Variants in EIPR1 observed in about 807,000 individuals in gnomAD.
The protein encoded by EIPR1 is EARP complex and GARP complex interacting protein 1.
EIPR1 carries 25 observed loss-of-function variants against 48.1 expected under a neutral mutation model. That is an observed-to-expected ratio of 0.52 (90% CI 0.38 to 0.73). The LOEUF is 0.73. EIPR1 is among the 30% of genes least tolerant of loss of function. The probability of loss-of-function intolerance (pLI) is 0.00; values close to 1 mark genes in which losing one functional copy is unlikely to be tolerated. For synonymous variants in EIPR1, 204 were observed against 201.9 expected, an observed-to-expected ratio of 1.01 and a Z score of -0.09; for missense variants, 415 against 506.2, an observed-to-expected ratio of 0.82 and a Z score of 1.73.
chr2:3,335,916 A>T (rs573128282), intron 3 of EIPR1, among the ~76,000 whole-genome samples: 15 of 152,198 alleles, frequency 9.9e-5, no homozygotes, highest in Non-Finnish European at 1.9e-4. Context: ...ACCCAGTCCC[A>T]GGTAGTTCTT....
intron 3 of EIPR1, among the ~76,000 whole-genome samples, chr2:3,336,129 G>C (rs1670035179): frequency 6.6e-6 from 1 of 152,214 alleles, no homozygotes; most frequent in South Asian, 2.1e-4. Flanking sequence ...GTGAAGGGGA[G>C]GGTGAAGGGT....
At chr2:3,208,685 T>C in intron 5 of EIPR1, 2 of 1,550,536 alleles carry the variant, frequency 1.3e-6, no homozygotes, top group Non-Finnish European at 1.7e-6. Context: ...TCAACCCCAA[T>C]TCCCCCAGGA....
In EIPR1 at chr2:3,377,788, A is replaced by C; in HGVS notation, c.-99T>G. 2.5e-6 allele frequency: 3 copies of C among 1,186,962 alleles called. No individual in the cohort carries two copies. Among genetic ancestry groups the C allele is most frequent in the Non-Finnish European group, 1.2e-6 (1 of 835,970 alleles). 73.5% of individuals were successfully genotyped at this position (1,186,962 alleles called of 1,614,324 possible). Reference sequence around the variant, plus strand: ...GCGGGCGTGTTCCCAGCGCCCATTCATTCCCTCCCCGCAGCAAACGACTCC... The same window carrying C: ...GCGGGCGTGTTCCCAGCGCCCATTCCTTCCCTCCCCGCAGCAAACGACTCC... On this transcript the variant is annotated 5_prime_UTR_variant, in exon 1 of 9. It removes an upstream start codon present in the reference 5' UTR. Transcript: ENST00000382125.
chr2:3,270,224 G>A (rs1667663347), intron 3 of EIPR1, among the ~76,000 whole-genome samples: 1 of 152,216 alleles, frequency 6.6e-6, no homozygotes, highest in African/African-American at 2.4e-5. Flanking sequence ...CAGAGTGCAA[G>A]CCCATCTGTG....
Position 3,292,306 on chromosome 2 carries a change from G to A in EIPR1, c.260-34851C>T, listed in dbSNP as rs151124400. ...TCAAGTGCCCCTTCATAAGATACTC[G>A]TACAAAAAAGACCGTGAGCCCTACA... On this transcript the variant is annotated intron_variant, in intron 3 of 8. Coordinates refer to ENST00000382125, the MANE Select transcript of EIPR1 (RefSeq NM_003310.5). Among the ~76,000 whole-genome samples the A allele has an allele frequency of 4.7e-4, 71 of 152,204 alleles. No homozygotes were observed. In the East Asian group the frequency reaches 0.013, roughly 27 times the overall value.
chr2:3,284,465 A>G (rs4854163), intron 3 of EIPR1, among the ~76,000 whole-genome samples: 33,644 of 114,380 alleles, frequency 0.29, 3,469 homozygotes, highest in African/African-American at 0.32. Flanking sequence ...ACGGCTGCAC[A>G]TAAGCTGGGC....
chr2:3,254,424 C>T (rs562419715), intron 4 of EIPR1, among the ~76,000 whole-genome samples: 9 of 152,290 alleles, frequency 5.9e-5, no homozygotes, highest in South Asian at 2.1e-4. Flanking sequence ...AGGAAAAACC[C>T]AGATGAGCTT....
intron 3 of EIPR1, among the ~76,000 whole-genome samples, chr2:3,299,312 G>A (rs1342268753): frequency 1.3e-5 from 2 of 151,616 alleles, no homozygotes; most frequent in Non-Finnish European, 2.9e-5. Context: ...CTCGGCCCTG[G>A]GTCAGCTCAC....
At chr2:3,353,252 T>C (rs1572478380) in intron 2 of EIPR1, 1 of 471,178 alleles carries the variant, frequency 2.1e-6, no homozygotes, top group Non-Finnish European at 4.4e-6. Context: ...ACATCCCCTG[T>C]GAAAAGCATC....
chr2:3,296,410 G>C (rs1668597937), intron 3 of EIPR1, among the ~76,000 whole-genome samples: 1 of 79,970 alleles, frequency 1.3e-5, no homozygotes, highest in South Asian at 4.8e-4. Flanking sequence ...CCTCCATCCA[G>C]CTCACCCCCT....
intron 3 of EIPR1, among the ~76,000 whole-genome samples, chr2:3,279,057 A>G (rs1667943509): frequency 6.6e-6 from 1 of 152,240 alleles, no homozygotes; most frequent in Non-Finnish European, 1.5e-5. Context: ...CTCGACACCC[A>G]TGTTCTCACT....
chr2:3,194,349 CCT>C, intron 6 of EIPR1, 183 bp from the exon 7 acceptor site: 2 of 611,758 alleles, frequency 3.3e-6, no homozygotes, highest in East Asian at 5.8e-5. Context: ...TCCCAGCAAC[CCT>C]GTGTGGTCGC....
At chr2:3,305,495 C>T (rs1371440908) in intron 3 of EIPR1, among the ~76,000 whole-genome samples, 1 of 151,922 alleles carries the variant, frequency 6.6e-6, no homozygotes, top group African/African-American at 2.4e-5. Context: ...CAGTTCAGCC[C>T]TCCACTCCTG....
intron 5 of EIPR1, among the ~76,000 whole-genome samples, chr2:3,199,047 G>A (rs780590619): frequency 1.8e-5 from 1 of 54,516 alleles, no homozygotes; most frequent in East Asian, 2.8e-4. Context: ...CCCCCAGAGT[G>A]GCCATTTTAG....
At chr2:3,238,880 G>A (rs900146574) in intron 4 of EIPR1, among the ~76,000 whole-genome samples, 1 of 152,178 alleles carries the variant, frequency 6.6e-6, no homozygotes, top group East Asian at 1.9e-4. Context: ...GCCACTCACC[G>A]TCCACTACCT....
chr2:3,240,274 C>A (rs374941849), intron 4 of EIPR1, among the ~76,000 whole-genome samples: 2,108 of 18,456 alleles, frequency 0.11, no homozygotes, highest in East Asian at 0.19. Flanking sequence ...TCCTCAGGAA[C>A]AGCCAGCAGA....
rs749269284 is a variant in EIPR1 at position 3,286,019 on chromosome 2, G to A, written c.260-28564C>T. Among the ~76,000 whole-genome samples, 24 of 152,152 alleles carry A rather than the reference G, an allele frequency of 1.6e-4. No homozygotes were observed. Among genetic ancestry groups the A allele is most frequent in the Admixed American group, 8.5e-4 (13 of 15,280 alleles). ...CCTGCCCTGAGGACATGGGGCAGCC[G>A]GCTGTAGGTGTTCCAGCTGTGGCTC... On this transcript the variant is annotated intron_variant, in intron 3 of 8. Transcript: ENST00000382125. The surrounding 1 kb of genome is among the most constrained non-coding windows in gnomAD (Gnocchi z 4.2).
At chr2:3,193,525 A>G (rs571722669) in intron 7 of EIPR1, among the ~76,000 whole-genome samples, 36 of 152,250 alleles carry the variant, frequency 2.4e-4, no homozygotes, top group Non-Finnish European at 3.4e-4. Context: ...AAAAGTACCC[A>G]GCACATGAAA....
chr2:3,314,521 C>T (rs1419420413), intron 3 of EIPR1, among the ~76,000 whole-genome samples: 3 of 152,026 alleles, frequency 2.0e-5, no homozygotes, highest in Non-Finnish European at 4.4e-5. Context: ...GGCTTTTCTT[C>T]GTAAAGACTA....
Sources: allele counts gnomAD v4.1 joint callset (sites outside exome capture counted in the v4.1 genomes callset), GRCh38; gene constraint gnomAD v4.1.1; non-coding constraint Gnocchi (gnomAD v3.1); transcripts MANE v1.5; gene names NCBI Gene and HGNC (gene_info 2026-07-23, HGNC 2026-07-21).